Variants in ANK1 observed in about 807,000 individuals in gnomAD.
ANK1 encodes ankyrin 1.
A neutral mutation model predicts 210.4 loss-of-function variants in ANK1; 51 were observed. The ratio of observed to expected loss-of-function variants is 0.24; its 90% confidence interval spans 0.19 to 0.31. The LOEUF (loss-of-function observed/expected upper bound fraction) is 0.31. Ranked by LOEUF, ANK1 falls within the 10% of genes least tolerant of loss-of-function variation. The pLI, the probability that ANK1 is intolerant of heterozygous loss-of-function variation, is 1.00. For synonymous variants in ANK1, 967 were observed against 1,025.9 expected (o/e 0.94, Z 1.10); for missense variants, 2,051 against 2,504.4 (o/e 0.82, Z 3.86).
At chr8:41,840,207 C>T (rs185445838) in intron 1 of ANK1, 1 of 152,182 alleles carries the variant, frequency 6.6e-6, no homozygotes, top group African/African-American at 2.4e-5. Flanking sequence ...GCTGGTCCCC[C>T]ACTCCCGGGA....
At chr8:41,690,715 C>A in intron 31 of ANK1, 116 bp from the exon 32 acceptor site, 2 of 1,458,226 alleles carry the variant, frequency 1.4e-6, no homozygotes, top group Non-Finnish European at 1.9e-6. Flanking sequence ...AAGAGGCATG[C>A]GGGTGTGTGC....
Position 41,692,621 on chromosome 8 carries a change from A to C in ANK1, c.3858+27T>G. The C allele has an allele frequency of 4.4e-6, 7 of 1,598,342 alleles. No individual in the cohort carries two copies. The Middle Eastern group carries it at 8.2e-4, about 188-fold the overall frequency. On this transcript the variant is annotated intron_variant, in intron 31 of 42. Transcript: ENST00000289734. ...AAAACGGCAGGACGGTTTGTCCCAG[A>C]GGCGGTGCAGGGCCCAGCCCTGTTA...
intron 1 of ANK1, among the ~76,000 whole-genome samples, chr8:41,763,975 G>A (rs1435599635): frequency 1.5e-5 from 2 of 134,472 alleles, no homozygotes; most frequent in African/African-American, 5.5e-5. Context: ...TCTGGGAGGT[G>A]AACTGCAGAT....
At chr8:41,850,390 A>T (rs960066343) in intron 1 of ANK1, among the ~76,000 whole-genome samples, 1 of 152,160 alleles carries the variant, frequency 6.6e-6, no homozygotes, top group Non-Finnish European at 1.5e-5. Flanking sequence ...AAAAAAAATG[A>T]CCAAAACAGT....
At chr8:41,800,655 A>G (rs973756043), upstream of ANK1, among the ~76,000 whole-genome samples, 2 of 152,198 alleles carry the variant, frequency 1.3e-5, no homozygotes, top group African/African-American at 4.8e-5. Context: ...AGAGATGGAA[A>G]CATTATCCTG....
rs374296178 is a variant in ANK1 at position 41,727,905 on chromosome 8, T to C, written c.327+3A>G. 5.5e-5 allele frequency: 89 copies of C among 1,614,080 alleles called. No homozygotes were observed. In the African/African-American group the frequency reaches 1.1e-3, roughly 21 times the overall value. On this transcript the variant is annotated splice_donor_region_variant and intron_variant, in intron 4 of 42. Transcript: ENST00000289734. The stretch of plus-strand genomic sequence containing the variant: ...CCTCTAGTCCAGACCAGAGAGCCAT[T>C]ACCTGTGACTGGGCGTTGACGTTGG...
At chr8:41,873,199 C>T (rs908394603) in intron 1 of ANK1, among the ~76,000 whole-genome samples, 23 of 152,234 alleles carry the variant, frequency 1.5e-4, no homozygotes, top group Admixed American at 1.4e-3. Context: ...AAAGTGACTA[C>T]ATTTTCTTCC....
rs78582045 is a variant in ANK1 at position 41,845,516 on chromosome 8, G to A, written c.126+50839C>T. The stretch of plus-strand genomic sequence containing the variant: ...GGGCACAGTGGGGTCTCCCCTCAAG[G>A]AGGCCAATGGGACTGACCATGGTGT... On this transcript the variant is annotated intron_variant, in intron 1 of 42. Transcript: ENST00000265709. Among the ~76,000 whole-genome samples, 704 of 152,180 alleles carry A rather than the reference G, an allele frequency of 4.6e-3. 4 individuals carry two copies. The highest frequency in any genetic ancestry group is 0.026 in the East Asian group (136 of 5,156).
chr8:41,766,084 G>A (rs11780780), intron 1 of ANK1, among the ~76,000 whole-genome samples: 20,702 of 152,244 alleles, frequency 0.14, 1,453 homozygotes, highest in South Asian at 0.15. Flanking sequence ...ATAAGGCAAT[G>A]CCACTTTCCC....
chr8:41,655,814 A>C, intron 42 of ANK1, 61 bp from the exon 43 acceptor site: 1 of 1,563,126 alleles, frequency 6.4e-7, no homozygotes, highest in Non-Finnish European at 8.8e-7. Context: ...TCCAGCAAAA[A>C]CCCCACACAC....
chr8:41,655,556 G>T lies in ANK1; in HGVS notation c.*234C>A. ...GACAGATCAGCTGTCATTGCAAGAGGCAGGATTGAAGCCTGGAGGTCATGC... is the reference window on the plus strand; with the variant it reads ...GACAGATCAGCTGTCATTGCAAGAGTCAGGATTGAAGCCTGGAGGTCATGC... On this transcript the variant is annotated 3_prime_UTR_variant, in exon 43 of 43. Coordinates refer to ENST00000289734, the MANE Select transcript of ANK1 (RefSeq NM_000037.4). 1.4e-6 allele frequency: 1 copy of T among 731,212 alleles called. No homozygotes were observed. The highest frequency in any genetic ancestry group is 2.3e-6 in the Non-Finnish European group (1 of 431,486). 45.3% of individuals were successfully genotyped at this position (731,212 alleles called of 1,614,324 possible).
chr8:41,737,943 G>C (rs1440911307), intron 2 of ANK1, among the ~76,000 whole-genome samples: 4 of 152,232 alleles, frequency 2.6e-5, no homozygotes, highest in Non-Finnish European at 5.9e-5. Context: ...GTCTGGCCCT[G>C]TGCTAGAAAT....
intron 33 of ANK1, 68 bp from the exon 34 acceptor site, chr8:41,688,657 C>T (rs1818372175): frequency 3.5e-6 from 5 of 1,425,848 alleles, no homozygotes; most frequent in Non-Finnish European, 4.9e-6. Context: ...GTGATCTGAG[C>T]TCCTATGCTG....
intron 1 of ANK1, among the ~76,000 whole-genome samples, chr8:41,872,591 G>T (rs934305008): frequency 6.6e-6 from 1 of 152,228 alleles, no homozygotes; most frequent in African/African-American, 2.4e-5. Context: ...CCTTGGAGCC[G>T]TGGGGAGCGC....
chr8:41,714,359 T>C (rs2150632395), intron 15 of ANK1, 105 bp from the exon 16 acceptor site: 1 of 868,212 alleles, frequency 1.2e-6, no homozygotes, highest in East Asian at 2.9e-5. Context: ...AAAATCCTGT[T>C]TAAAATCTTT....
At position 41,653,746 on chromosome 8, in the gene ANK1, G is replaced by A. The variant is rs1804805432; in HGVS notation, c.*2044C>T. 1 of 152,308 alleles carries A rather than the reference G, an allele frequency of 6.6e-6. No homozygotes were observed. The allele number at this position is 152,308 out of a possible 1,614,324, so 9.4% of individuals were successfully genotyped here. On this transcript the variant is annotated 3_prime_UTR_variant, in exon 43 of 43. Coordinates refer to ENST00000289734, the MANE Select transcript of ANK1 (RefSeq NM_000037.4). ...ATGGAGGGGGGCGCCTCTGCGCCCTGGAGGCCGGGCCGGGGTGGCCTCTGG... is the reference window on the plus strand; with the variant it reads ...ATGGAGGGGGGCGCCTCTGCGCCCTAGAGGCCGGGCCGGGGTGGCCTCTGG...
intron 38 of ANK1, among the ~76,000 whole-genome samples, chr8:41,671,062 G>A (rs1812094061): frequency 1.3e-5 from 2 of 152,336 alleles, no homozygotes; most frequent in African/African-American, 2.4e-5. Context: ...CAGATGGGAC[G>A]ATGAGAGCTC....
intron 1 of ANK1, among the ~76,000 whole-genome samples, chr8:41,868,146 A>G (rs1814825671): frequency 6.6e-6 from 1 of 152,266 alleles, no homozygotes. Flanking sequence ...GGCATGAGCC[A>G]TTGTACCCAG....
At chr8:41,769,101 G>T (rs992145565) in intron 1 of ANK1, among the ~76,000 whole-genome samples, 1 of 152,208 alleles carries the variant, frequency 6.6e-6, no homozygotes. Context: ...AAGAGAAAAG[G>T]CCAGGGTGTT....
Sources: gnomAD v4.1 joint callset for allele counts (sites outside exome capture counted in the v4.1 genomes callset) on GRCh38, gnomAD v4.1.1 for gene constraint, MANE v1.5 for transcripts, NCBI Gene and HGNC (gene_info 2026-07-23, HGNC 2026-07-21) for gene names.